Variants in ADAMTS18 observed in about 807,000 individuals in gnomAD.
The protein encoded by ADAMTS18 is ADAM metallopeptidase with thrombospondin type 1 motif 18.
Under a neutral mutation model 165.9 loss-of-function variants are expected in ADAMTS18, and 157 were observed. The observed-to-expected ratio is 0.95, with a 90% CI of 0.83 to 1.08. ADAMTS18 has a LOEUF of 1.08. Ranked by LOEUF, ADAMTS18 falls within the 50% of genes least tolerant of loss-of-function variation. The pLI is 0.00. For synonymous variants in ADAMTS18, 782 were observed against 578.2 expected, an observed-to-expected ratio of 1.35 and a Z score of -5.06; for missense variants, 2,040 against 1,534.0, an observed-to-expected ratio of 1.33 and a Z score of -5.51.
intron 3 of ADAMTS18, among the ~76,000 whole-genome samples, chr16:77,385,704 G>A (rs939840950): frequency 6.6e-6 from 1 of 152,158 alleles, no homozygotes; most frequent in African/African-American, 2.4e-5. Context: ...CAACCCATTG[G>A]GCAGGTGCAC....
chr16:77,331,083 T>G (rs1357652644), intron 12 of ADAMTS18, among the ~76,000 whole-genome samples: 4 of 152,218 alleles, frequency 2.6e-5, no homozygotes, highest in African/African-American at 9.6e-5. Flanking sequence ...TTCATCTTGT[T>G]TTAAATGATA....
At chr16:77,383,345 T>C (rs1289182704) in intron 3 of ADAMTS18, among the ~76,000 whole-genome samples, 1 of 152,162 alleles carries the variant, frequency 6.6e-6, no homozygotes, top group South Asian at 2.1e-4. Flanking sequence ...AAATGCAGCA[T>C]CTAGTAGCTT....
intron 3 of ADAMTS18, among the ~76,000 whole-genome samples, chr16:77,405,300 A>G (rs945898777): frequency 1.3e-5 from 2 of 152,196 alleles, no homozygotes; most frequent in South Asian, 2.1e-4. Context: ...ATCCTTTTCA[A>G]TACCTCGAGC....
intron 3 of ADAMTS18, among the ~76,000 whole-genome samples, chr16:77,428,553 G>A (rs991718620): frequency 6.6e-6 from 1 of 152,088 alleles, no homozygotes; most frequent in Non-Finnish European, 1.5e-5. Context: ...TGGAGCAACT[G>A]GAACTCTCAT....
At chr16:77,370,685 G>C (rs1384354145) in intron 3 of ADAMTS18, among the ~76,000 whole-genome samples, 1 of 152,048 alleles carries the variant, frequency 6.6e-6, no homozygotes, top group Non-Finnish European at 1.5e-5. Context: ...AGGAGGCGGA[G>C]GTTACAGTGA....
rs555744849 is a variant in ADAMTS18 at position 77,339,691 on chromosome 16, A to T, written c.1710+2013T>A. Among the ~76,000 whole-genome samples the T allele has an allele frequency of 1.3e-4, 20 of 152,132 alleles. No homozygotes were observed. In the South Asian group the frequency reaches 1.9e-3, roughly 14 times the overall value. ...GGACTTGAGCACTATTTATATTTTA[A>T]ATTATTCCACTAATTCATTGTTTTG... On this transcript the variant is annotated intron_variant, in intron 11 of 22. Transcript: ENST00000282849.
At chr16:77,428,324 C>G (rs2057698850) in intron 3 of ADAMTS18, among the ~76,000 whole-genome samples, 1 of 152,112 alleles carries the variant, frequency 6.6e-6, no homozygotes, top group Non-Finnish European at 1.5e-5. Flanking sequence ...GATTCTGAAT[C>G]TATTACTATA....
chr16:77,416,553 C>T (rs1480016267), intron 3 of ADAMTS18, among the ~76,000 whole-genome samples: 1 of 152,192 alleles, frequency 6.6e-6, no homozygotes, highest in Non-Finnish European at 1.5e-5. Flanking sequence ...GCTCTCTTGC[C>T]TGCCACCATG....
In ADAMTS18 at chr16:77,335,743, G is replaced by A. The variant is rs1378992345; in HGVS notation, c.1859+13C>T. On this transcript the variant is annotated intron_variant, in intron 12 of 22. Coordinates refer to ENST00000282849, the MANE Select transcript of ADAMTS18 (RefSeq NM_199355.4). ...AAGGCCTTGCAAAGACTAACTTTCT[G>A]CTGGAGGCTTACTTGGGGTTATTGC... is the stretch of plus-strand genomic sequence containing the variant. 10 of 1,614,176 alleles carry A rather than the reference G, an allele frequency of 6.2e-6. No homozygotes were observed. The highest frequency in any genetic ancestry group is 7.6e-6 in the Non-Finnish European group (9 of 1,180,002).
At chr16:77,367,382 T>C in intron 4 of ADAMTS18, 59 bp downstream of exon 4, 1 of 1,607,888 alleles carries the variant, frequency 6.2e-7, no homozygotes, top group Non-Finnish European at 8.5e-7. Flanking sequence ...CCAACAGCAC[T>C]CAGGAAAACC....
At chr16:77,287,799 C>G (rs115788035) in intron 22 of ADAMTS18, among the ~76,000 whole-genome samples, 2,805 of 152,254 alleles carry the variant, frequency 0.018, 85 homozygotes, top group African/African-American at 0.064. Flanking sequence ...AGCCATTTCT[C>G]ATATGCACCC....
At chr16:77,302,972 C>T (rs146410301) in intron 16 of ADAMTS18, among the ~76,000 whole-genome samples, 45 of 152,298 alleles carry the variant, frequency 3.0e-4, no homozygotes, top group African/African-American at 1.0e-3. Context: ...CAGACCTTCA[C>T]TCAAGCCAAC....
At chr16:77,382,277 C>A (rs1485724593) in intron 3 of ADAMTS18, among the ~76,000 whole-genome samples, 1 of 152,188 alleles carries the variant, frequency 6.6e-6, no homozygotes, top group Non-Finnish European at 1.5e-5. Context: ...GTGGCGCGAT[C>A]TCGGCTCACT....
At chr16:77,310,621 T>C (rs1289466481) in intron 16 of ADAMTS18, among the ~76,000 whole-genome samples, 1 of 148,608 alleles carries the variant, frequency 6.7e-6, no homozygotes, top group Non-Finnish European at 1.5e-5. Context: ...AAAAGATTTA[T>C]GTCTTAACCT....
intron 3 of ADAMTS18, among the ~76,000 whole-genome samples, chr16:77,398,273 C>T (rs908875678): frequency 1.3e-5 from 2 of 152,006 alleles, no homozygotes; most frequent in Admixed American, 6.6e-5. Context: ...GCCAAGATCA[C>T]GCCACTGCAC....
intron 3 of ADAMTS18, among the ~76,000 whole-genome samples, chr16:77,368,723 C>T (rs2056834967): frequency 6.6e-6 from 1 of 152,006 alleles, no homozygotes; most frequent in Admixed American, 6.6e-5. Context: ...TCTTGATTCA[C>T]AGTTGCTAAA....
intron 3 of ADAMTS18, among the ~76,000 whole-genome samples, chr16:77,369,846 C>G (rs934815772): frequency 6.6e-6 from 1 of 152,158 alleles, no homozygotes; most frequent in East Asian, 1.9e-4. Context: ...CAACAAAATA[C>G]TAGCAAACCA....
intron 3 of ADAMTS18, among the ~76,000 whole-genome samples, chr16:77,418,068 T>C (rs2058782431): frequency 6.6e-6 from 1 of 152,194 alleles, no homozygotes; most frequent in Non-Finnish European, 1.5e-5. Flanking sequence ...TCTCTGTTTC[T>C]TTAGAGATCC....
chr16:77,388,335 A>C lies in ADAMTS18; in HGVS notation c.496-20612T>G, dbSNP rs369893584. Among the ~76,000 whole-genome samples, 127 of 152,272 alleles carry C rather than the reference A, an allele frequency of 8.3e-4. 5 individuals are homozygous for C. In the South Asian group the frequency reaches 0.025, roughly 30 times the overall value. ...GACTAGGTCTGAACTCATGACCTCAAGTGATCCGCCTGCCTCAGCCTCCCA... is the reference window on the plus strand; with the variant it reads ...GACTAGGTCTGAACTCATGACCTCACGTGATCCGCCTGCCTCAGCCTCCCA... On this transcript the variant is annotated intron_variant, in intron 3 of 22. Transcript: ENST00000282849.
Sources: allele counts gnomAD v4.1 joint callset (sites outside exome capture counted in the v4.1 genomes callset), GRCh38; gene constraint gnomAD v4.1.1; transcripts MANE v1.5; gene names NCBI Gene and HGNC (gene_info 2026-07-23, HGNC 2026-07-21).